The following MS4A12 variants were observed in gnomAD, a reference collection of about 807,000 sequenced individuals.
MS4A12 encodes the protein membrane-spanning 4-domains subfamily A member 12.
In MS4A12, 28 loss-of-function variants were observed where a neutral mutation model predicts 23.7. The observed-to-expected ratio is 1.18, with a 90% CI of 0.88 to 1.62. MS4A12 has a LOEUF of 1.62. Ranked by LOEUF, MS4A12 falls within the 40% of genes most tolerant of loss-of-function variation. The pLI, the probability that MS4A12 is intolerant of heterozygous loss-of-function variation, is 0.00. For synonymous variants in MS4A12, 108 were observed against 110.1 expected, an observed-to-expected ratio of 0.98 and a Z score of 0.12; for missense variants, 342 against 327.0, an observed-to-expected ratio of 1.05 and a Z score of -0.35.
chr11:60,496,530 G>A (rs776883313), intron 1 of MS4A12, among the ~76,000 whole-genome samples: 14 of 152,222 alleles, frequency 9.2e-5, no homozygotes, highest in South Asian at 2.1e-4. Flanking sequence ...CATCTTAAGT[G>A]GGCATATGTG....
intron 5 of MS4A12, among the ~76,000 whole-genome samples, chr11:60,506,379 C>T (rs561768716): frequency 1.3e-5 from 2 of 152,088 alleles, no homozygotes; most frequent in Non-Finnish European, 2.9e-5. Context: ...TTTCTAAACA[C>T]TGGCATTTGG....
At chr11:60,497,264 T>C in intron 1 of MS4A12, 49 bp from the exon 2 acceptor site, 2 of 1,525,492 alleles carry the variant, frequency 1.3e-6, no homozygotes, top group Non-Finnish European at 1.8e-6. Flanking sequence ...TTTTCTTTAG[T>C]TTCTTTTCTG....
At position 60,497,422 on chromosome 11, in the gene MS4A12, G is replaced by T. The variant is rs775981038; in HGVS notation, c.104G>T (p.Gly35Val). The T allele has an allele frequency of 1.2e-6, 2 of 1,614,046 alleles. No homozygotes were observed. The highest frequency in any genetic ancestry group is 2.7e-5 in the African/African-American group (2 of 74,916). The stretch of plus-strand genomic sequence containing the variant: ...GCTCCTGGATTTCAACAGCCTCTGG[G>T]TTCAATCAACTTAGAAAACCAAGCT... Reference protein sequence around the residue: ...FMAPGFQQPLGSINLENQAQG... With the variant: ...FMAPGFQQPLVSINLENQAQG... The change falls in exon 2 of 7, where the codon GGT becomes GTT. Residue 35 changes from glycine to valine, a missense_variant. Gly to Val is a moderately radical substitution (Grantham distance 109, BLOSUM62 -3). Transcript: ENST00000016913.
At chr11:60,497,109 C>T (rs1042204701) in intron 1 of MS4A12, among the ~76,000 whole-genome samples, 3 of 152,184 alleles carry the variant, frequency 2.0e-5, no homozygotes, top group South Asian at 4.1e-4. Context: ...AGCCAGGTTT[C>T]CAACAGACCA....
chr11:60,500,240 CAAAAAAAAACCAAAAAAAAACA>C (rs1413775125), intron 2 of MS4A12, among the ~76,000 whole-genome samples: 1 of 69,820 alleles, frequency 1.4e-5, no homozygotes, highest in Non-Finnish European at 2.9e-5. Flanking sequence ...GACTCTGTCT[CAAAAAAAAACCAAAAAAAAACA>C]AAAAAAAAAA....
rs202202654 is a variant in MS4A12 at position 60,501,225 on chromosome 11, G to A, written c.414+43G>A. ...ACACCAGTCCTTCTTGGTTTATAAA[G>A]TATTCCCTCTTGGTTTATAAAGTAT... On this transcript the variant is annotated intron_variant, in intron 3 of 6. Coordinates refer to ENST00000016913, the MANE Select transcript of MS4A12 (RefSeq NM_017716.3). The A allele has an allele frequency of 6.4e-5, 98 of 1,540,128 alleles. No individual in the cohort carries two copies. The African/African-American group carries it at 1.3e-3, about 20-fold the overall frequency.
intron 1 of MS4A12, among the ~76,000 whole-genome samples, chr11:60,493,289 T>C (rs956778582): frequency 6.7e-6 from 1 of 149,370 alleles, no homozygotes. Flanking sequence ...GGCAGGAGAA[T>C]CACGTGAACT....
intron 2 of MS4A12, among the ~76,000 whole-genome samples, chr11:60,500,454 A>G (rs1427148295): frequency 1.3e-5 from 2 of 152,178 alleles, no homozygotes; most frequent in Admixed American, 6.5e-5. Flanking sequence ...CTCAGCAGTC[A>G]ATGTGCTGCA....
intron 4 of MS4A12, 141 bp from the exon 5 acceptor site, chr11:60,503,560 G>A (rs2086547257): frequency 1.5e-6 from 1 of 652,782 alleles, no homozygotes; most frequent in African/African-American, 1.8e-5. Context: ...TTACCCAGAA[G>A]GGCAGAAAAC....
At chr11:60,506,882 G>A (rs2086574678) in intron 6 of MS4A12, 44 bp downstream of exon 6, 1 of 1,572,588 alleles carries the variant, frequency 6.4e-7, no homozygotes, top group South Asian at 1.1e-5. Context: ...AAAATGCCCT[G>A]GAGAAATACA....
At chr11:60,501,605 T>C (rs2086531037) in intron 3 of MS4A12, among the ~76,000 whole-genome samples, 1 of 152,126 alleles carries the variant, frequency 6.6e-6, no homozygotes, top group African/African-American at 2.4e-5. Context: ...TCCCAGCTAC[T>C]TGGGAGGCTG....
intron 5 of MS4A12, 50 bp from the exon 6 acceptor site, chr11:60,506,678 G>A (rs752914268): frequency 3.8e-5 from 56 of 1,472,406 alleles, no homozygotes; most frequent in Non-Finnish European, 4.8e-5. Context: ...TGAAGCCCAC[G>A]TGAGGCCCTC....
At chr11:60,501,822 G>A (rs1238508393) in intron 3 of MS4A12, among the ~76,000 whole-genome samples, 161 bp from the exon 4 acceptor site, 5 of 151,808 alleles carry the variant, frequency 3.3e-5, no homozygotes, top group Non-Finnish European at 7.4e-5. Flanking sequence ...AAGAAGTCAA[G>A]GACATATGAC....
chr11:60,505,380 A>G (rs2086562271), intron 5 of MS4A12, among the ~76,000 whole-genome samples: 1 of 152,168 alleles, frequency 6.6e-6, no homozygotes, highest in Non-Finnish European at 1.5e-5. Flanking sequence ...GGGAGCTACA[A>G]GATGAGATTT....
At chr11:60,499,555 G>A (rs1380487117) in intron 2 of MS4A12, among the ~76,000 whole-genome samples, 1 of 152,240 alleles carries the variant, frequency 6.6e-6, no homozygotes, top group African/African-American at 2.4e-5. Flanking sequence ...ATAAGCAAAA[G>A]TATGGTATGT....
At chr11:60,501,690 A>G (rs1471281399) in intron 3 of MS4A12, among the ~76,000 whole-genome samples, 2 of 152,290 alleles carry the variant, frequency 1.3e-5, no homozygotes, top group Middle Eastern at 3.4e-3. Context: ...CTCTAAAAAA[A>G]TTTTTTAATT....
chr11:60,505,721 G>T (rs2086565317), intron 5 of MS4A12, among the ~76,000 whole-genome samples: 1 of 152,162 alleles, frequency 6.6e-6, no homozygotes, highest in Non-Finnish European at 1.5e-5. Flanking sequence ...GGCTGGGGTG[G>T]AGAGCAGTCA....
Position 60,503,747 on chromosome 11 carries a change from T to G in MS4A12, c.518T>G (p.Phe173Cys). Residue 173 changes from phenylalanine to cysteine, a missense_variant, in exon 5 of 7, where the codon TTC becomes TGC. By Grantham distance (205) the Phe-to-Cys change is radical (BLOSUM62 -2). Coordinates refer to ENST00000016913, the MANE Select transcript of MS4A12 (RefSeq NM_017716.3). ...GMNIVSSILA[F>C]IGVILLLVDM... is the part of the protein sequence containing the mutation. ...AACATTGTTAGTTCTATCTTGGCCT[T>G]CATTGGAGTGATTCTGCTGCTGGTG... 1 of 1,613,954 alleles carries G rather than the reference T, an allele frequency of 6.2e-7. No homozygotes were observed. The highest frequency in any genetic ancestry group is 8.5e-7 in the Non-Finnish European group (1 of 1,179,870).
At chr11:60,493,687 C>T (rs968812765) in intron 1 of MS4A12, among the ~76,000 whole-genome samples, 1 of 152,178 alleles carries the variant, frequency 6.6e-6, no homozygotes, top group African/African-American at 2.4e-5. Flanking sequence ...TGTGGATGTA[C>T]TGGGTGATTT....
Sources: gnomAD v4.1 joint callset for allele counts (sites outside exome capture counted in the v4.1 genomes callset) on GRCh38, gnomAD v4.1.1 for gene constraint, MANE v1.5 for transcripts, NCBI Gene and HGNC (gene_info 2026-07-23, HGNC 2026-07-21) for gene names.